The following GALNT13 variants were observed in gnomAD, a reference collection of about 807,000 sequenced individuals.
GALNT13 encodes UDP-GalNAc:polypeptide N-acetylgalactosaminyltransferase 13.
Under a neutral mutation model 64.2 loss-of-function variants are expected in GALNT13, and 28 were observed. The observed-to-expected ratio is 0.44, with a 90% CI of 0.32 to 0.60. The LOEUF is 0.60. Among genes scored for constraint, GALNT13 ranks in the 20% least tolerant of loss-of-function variants. GALNT13 has a pLI of 0.05. For synonymous variants in GALNT13, 214 were observed against 224.6 expected (o/e 0.95, Z 0.42); for missense variants, 577 against 669.8 (o/e 0.86, Z 1.53).
At chr2:154,446,797 T>C in intron 12 of GALNT13, 1 of 1,461,866 alleles carries the variant, frequency 6.8e-7, no homozygotes, top group Non-Finnish European at 9.1e-7. Flanking sequence ...AAATTTATTT[T>C]AGCATTTTTG....
the GALNT13 span, among the ~76,000 whole-genome samples, chr2:153,735,520 G>T: frequency 6.6e-6 from 1 of 152,270 alleles, no homozygotes; most frequent in South Asian, 2.1e-4. Flanking sequence ...CAATGAATTT[G>T]CTTTTGTAAT....
At chr2:154,027,552 G>T (rs1277473291) in intron 3 of GALNT13, among the ~76,000 whole-genome samples, 1 of 152,066 alleles carries the variant, frequency 6.6e-6, no homozygotes, top group Non-Finnish European at 1.5e-5. Flanking sequence ...GGAGTTGTTT[G>T]AATGACATGT....
intron 3 of GALNT13, among the ~76,000 whole-genome samples, chr2:153,998,862 G>A (rs577185597): frequency 6.6e-6 from 1 of 152,026 alleles, no homozygotes; most frequent in Non-Finnish European, 1.5e-5. Context: ...CATATGGTTA[G>A]CCAGTTTTCC....
the GALNT13 span, among the ~76,000 whole-genome samples, chr2:153,719,128 T>C: frequency 6.6e-6 from 1 of 152,154 alleles, no homozygotes; most frequent in Non-Finnish European, 1.5e-5. Context: ...ATGTTGATAC[T>C]GTTAAGTTCA....
the GALNT13 span, among the ~76,000 whole-genome samples, chr2:153,390,203 T>C: frequency 6.6e-6 from 1 of 152,030 alleles, no homozygotes; most frequent in African/African-American, 2.4e-5. Flanking sequence ...CAGCAAACTG[T>C]CACAAGATCA....
the GALNT13 span, among the ~76,000 whole-genome samples, chr2:153,829,394 C>A: frequency 1.3e-5 from 2 of 152,054 alleles, no homozygotes; most frequent in African/African-American, 2.4e-5. Flanking sequence ...CAAGAAGGAG[C>A]AAGTCTCATC....
the GALNT13 span, among the ~76,000 whole-genome samples, chr2:153,695,834 C>G: frequency 3.3e-5 from 5 of 152,068 alleles, no homozygotes; most frequent in Non-Finnish European, 7.4e-5. Context: ...TGATGTTAGG[C>G]AGAAACACAT....
chr2:153,129,378 A>G, the GALNT13 span, among the ~76,000 whole-genome samples: 1 of 152,154 alleles, frequency 6.6e-6, no homozygotes, highest in Admixed American at 6.5e-5. Flanking sequence ...GATGATTTCT[A>G]GAAACAATTC....
chr2:153,594,527 A>T, the GALNT13 span, among the ~76,000 whole-genome samples: 1 of 151,636 alleles, frequency 6.6e-6, no homozygotes, highest in Non-Finnish European at 1.5e-5. Context: ...AATTATCCTC[A>T]TTTTTTTTGT....
chr2:154,288,569 G>A (rs890891017), intron 8 of GALNT13, among the ~76,000 whole-genome samples: 1 of 152,120 alleles, frequency 6.6e-6, no homozygotes, highest in African/African-American at 2.4e-5. Flanking sequence ...AAATACAATG[G>A]GGGTACAGTC....
At chr2:153,712,244 G>C in the GALNT13 span, among the ~76,000 whole-genome samples, 78,607 of 152,020 alleles carry the variant, frequency 0.52, 24,522 homozygotes, top group Non-Finnish European at 0.7. Flanking sequence ...CAATGTGACA[G>C]TTATGCTATT....
intron 7 of GALNT13, among the ~76,000 whole-genome samples, chr2:154,252,700 A>G (rs1267186339): frequency 1.3e-5 from 2 of 151,394 alleles, no homozygotes; most frequent in Admixed American, 6.6e-5. Context: ...CTTTTGCTGT[A>G]TAAGGTATAT....
the GALNT13 span, among the ~76,000 whole-genome samples, chr2:153,560,497 A>G: frequency 6.6e-6 from 1 of 151,998 alleles, no homozygotes; most frequent in Admixed American, 6.6e-5. Context: ...ACTCATTTGC[A>G]ATTTATCCTA....
the GALNT13 span, among the ~76,000 whole-genome samples, chr2:153,290,212 AT>A: frequency 6.6e-6 from 1 of 152,064 alleles, no homozygotes; most frequent in East Asian, 1.9e-4. Flanking sequence ...CATTATTATT[AT>A]TTTTTATTAT....
the GALNT13 span, among the ~76,000 whole-genome samples, chr2:153,465,437 C>CA: frequency 6.0e-5 from 9 of 151,130 alleles, no homozygotes; most frequent in African/African-American, 2.2e-4. Context: ...TCCCAAATAA[C>CA]AATAAAATGT....
chr2:153,521,725 C>T, the GALNT13 span, among the ~76,000 whole-genome samples: 2 of 152,146 alleles, frequency 1.3e-5, no homozygotes, highest in African/African-American at 2.4e-5. Flanking sequence ...TCCTGGCAAT[C>T]GCTGATCTTT....
the GALNT13 span, among the ~76,000 whole-genome samples, chr2:153,256,450 G>A: frequency 6.6e-6 from 1 of 152,130 alleles, no homozygotes; most frequent in Non-Finnish European, 1.5e-5. Context: ...ATCATCTGAA[G>A]CCTTCTTCTC....
chr2:153,299,455 G>A, the GALNT13 span, among the ~76,000 whole-genome samples: 2 of 152,196 alleles, frequency 1.3e-5, no homozygotes, highest in Non-Finnish European at 2.9e-5. Flanking sequence ...AATAGGAACT[G>A]TTAGTCAACC....
chr2:153,350,941 T>C, the GALNT13 span, among the ~76,000 whole-genome samples: 1 of 152,110 alleles, frequency 6.6e-6, no homozygotes, highest in East Asian at 1.9e-4. Flanking sequence ...AAGATAGTCC[T>C]ATGGCAAAAA....
Sources: allele counts gnomAD v4.1 joint callset (sites outside exome capture counted in the v4.1 genomes callset), GRCh38; gene constraint gnomAD v4.1.1; transcripts MANE v1.5; gene names NCBI Gene and HGNC (gene_info 2026-07-23, HGNC 2026-07-21).